HMGXB4: variants seen among roughly 807,000 people sequenced by gnomAD.
HMGXB4 encodes the protein HMG-box containing 4, also known as HMG domain-containing protein 4.
HMGXB4 carries 27 observed loss-of-function variants against 63.9 expected under a neutral mutation model. The ratio of observed to expected loss-of-function variants is 0.42; its 90% CI spans 0.31 to 0.58. The LOEUF is 0.58. Among genes scored for constraint, HMGXB4 ranks in the 20% least tolerant of loss-of-function variants. The probability of loss-of-function intolerance (pLI) is 0.13; values close to 1 mark genes in which losing one functional copy is unlikely to be tolerated. For missense variants in HMGXB4, 624 were observed against 700.7 expected (o/e 0.89, Z 1.24); for synonymous variants, 264 against 265.3 (o/e 0.99, Z 0.05).
the HMGXB4 span, among the ~76,000 whole-genome samples, chr22:35,251,278 T>C: frequency 2.0e-5 from 3 of 152,216 alleles, no homozygotes; most frequent in Admixed American, 6.5e-5. Flanking sequence ...GGTTTCACCA[T>C]GTTAGCCAGG....
At chr22:35,251,701 T>G in the HMGXB4 span, among the ~76,000 whole-genome samples, 1 of 152,236 alleles carries the variant, frequency 6.6e-6, no homozygotes, top group Non-Finnish European at 1.5e-5. Flanking sequence ...TAATCTTTTT[T>G]AAACAGTTTT....
At chr22:35,281,443 G>A (rs1924239570) in intron 5 of HMGXB4, among the ~76,000 whole-genome samples, 1 of 152,118 alleles carries the variant, frequency 6.6e-6, no homozygotes, top group African/African-American at 2.4e-5. Context: ...GAGTTATGAA[G>A]GAAACCCTTT....
chr22:35,293,543 G>T lies in HMGXB4; in HGVS notation c.1762-64G>T. 3 of 1,091,042 alleles carry T rather than the reference G, an allele frequency of 2.7e-6. No homozygotes were observed. The East Asian group carries it at 7.2e-5, about 26-fold the overall frequency. The allele number at this position is 1,091,042 out of a possible 1,614,324, so 67.6% of individuals were successfully genotyped here. ...TTTCTTATCTCTCTCCTTGAACAAA[G>T]AAACATCTCTCAGGAAACCAAGGTA... is the stretch of plus-strand genomic sequence containing the variant. On this transcript the variant is annotated intron_variant, in intron 10 of 10. Transcript: ENST00000216106.
At chr22:35,277,679 A>G (rs1404939589) in intron 5 of HMGXB4, among the ~76,000 whole-genome samples, 1 of 152,226 alleles carries the variant, frequency 6.6e-6, no homozygotes, top group Non-Finnish European at 1.5e-5. Flanking sequence ...AAATTTGTTC[A>G]GGAAACTCTT....
At chr22:35,247,129 T>A in the HMGXB4 span, among the ~76,000 whole-genome samples, 1 of 152,208 alleles carries the variant, frequency 6.6e-6, no homozygotes, top group African/African-American at 2.4e-5. Context: ...TATTGTGAAT[T>A]TTACCTTGTT....
the HMGXB4 span, among the ~76,000 whole-genome samples, chr22:35,245,731 A>G: frequency 6.6e-6 from 1 of 152,176 alleles, no homozygotes; most frequent in African/African-American, 2.4e-5. Flanking sequence ...CCGCCTCATT[A>G]CTGCTAGCTG....
In HMGXB4 at chr22:35,275,159, G is replaced by T. The variant is rs151080905; in HGVS notation, c.1216-8803G>T. Reference sequence around the variant, plus strand: ...TTTGAGACGGATTTTCGCTCTTGTCGCCCAGGCTGTAGTACAATGGTGCGA... The same window carrying T: ...TTTGAGACGGATTTTCGCTCTTGTCTCCCAGGCTGTAGTACAATGGTGCGA... On this transcript the variant is annotated intron_variant, in intron 5 of 10. Coordinates refer to ENST00000216106, the MANE Select transcript of HMGXB4 (RefSeq NM_001003681.3). 4.8e-4 allele frequency among the ~76,000 whole-genome samples: 58 copies of T among 120,614 alleles called. No individual in the cohort carries two copies. The East Asian group carries it at 0.013, about 26-fold the overall frequency. The allele number at this position is 120,614 out of a possible 152,430, so 79.1% of individuals were successfully genotyped here. A position where few individuals can be genotyped will look rare whatever the true frequency, so the allele number is the denominator to read the frequency against.
chr22:35,263,536 G>A (rs1923002473), intron 3 of HMGXB4, among the ~76,000 whole-genome samples: 1 of 152,192 alleles, frequency 6.6e-6, no homozygotes, highest in Non-Finnish European at 1.5e-5. Context: ...ACCTGCCTCC[G>A]CCTCCCAAAG....
intron 5 of HMGXB4, among the ~76,000 whole-genome samples, chr22:35,276,990 A>G (rs776774909): frequency 6.6e-6 from 1 of 152,226 alleles, no homozygotes; most frequent in Non-Finnish European, 1.5e-5. Context: ...AATAGAAAAT[A>G]ATTCATATTA....
chr22:35,286,587 C>T (rs1266292490), intron 7 of HMGXB4, among the ~76,000 whole-genome samples: 1 of 152,164 alleles, frequency 6.6e-6, no homozygotes, highest in East Asian at 1.9e-4. Context: ...CGGTGGCTCA[C>T]GCCTGTAGTT....
In HMGXB4 at chr22:35,282,595, A is replaced by G. The variant is rs553721142; in HGVS notation, c.1216-1367A>G. On this transcript the variant is annotated intron_variant, in intron 5 of 10. Coordinates refer to ENST00000216106, the MANE Select transcript of HMGXB4 (RefSeq NM_001003681.3). ...GAAAATATTTGTTTGTTAGATTAAG[A>G]TTATTAAGTGATAACTCTTTCTTTA... 2.4e-4 allele frequency among the ~76,000 whole-genome samples: 37 copies of G among 152,342 alleles called. No homozygotes were observed. The South Asian group carries it at 7.7e-3, about 32-fold the overall frequency.
At chr22:35,253,614 C>T (rs1033986232), upstream of HMGXB4, among the ~76,000 whole-genome samples, 7 of 150,958 alleles carry the variant, frequency 4.6e-5, no homozygotes, top group South Asian at 2.1e-4. Context: ...CGCGCGCGCG[C>T]GCGTGTGTGT....
rs1216233785 is a variant in HMGXB4, at chr22:35,284,171, T to C, written c.1297+128T>C. ...CTTTCCTCAGTTCTGCAAATCACTT[T>C]AGATTTTGCCTTAGTTTATCTCATC... On this transcript the variant is annotated intron_variant, in intron 6 of 10. Transcript: ENST00000216106. 1.7e-5 allele frequency: 11 copies of C among 656,012 alleles called. No homozygotes were observed. In the East Asian group the frequency reaches 2.7e-4, roughly 16 times the overall value. The allele number at this position is 656,012 out of a possible 1,614,324, so 40.6% of individuals were successfully genotyped here.
At chr22:35,275,803 G>C (rs1354863395) in intron 5 of HMGXB4, among the ~76,000 whole-genome samples, 2 of 152,198 alleles carry the variant, frequency 1.3e-5, no homozygotes, top group Non-Finnish European at 2.9e-5. Context: ...TATTTAAAAG[G>C]AGATCCTGGT....
chr22:35,286,111 A>G (rs1924562913), intron 7 of HMGXB4, 50 bp downstream of exon 7: 2 of 1,293,968 alleles, frequency 1.5e-6, no homozygotes, highest in Admixed American at 2.0e-5. Flanking sequence ...TCGCCTTCCA[A>G]AATATGTAAT....
At chr22:35,264,624 A>C (rs750760130) in intron 4 of HMGXB4, 24 bp from the exon 5 acceptor site, 1 of 1,507,776 alleles carries the variant, frequency 6.6e-7, no homozygotes, top group South Asian at 1.3e-5. Flanking sequence ...TCATATTGAC[A>C]GTACTTCTCT....
At chr22:35,285,226 C>T (rs1377611003) in intron 6 of HMGXB4, among the ~76,000 whole-genome samples, 1 of 152,086 alleles carries the variant, frequency 6.6e-6, no homozygotes. Context: ...GGCAACATAA[C>T]GAGACCTCAT....
At position 35,288,360 on chromosome 22, in the gene HMGXB4, T is replaced by C. The variant is rs1423007634; in HGVS notation, c.1591T>C (p.Leu531=). Residue 531 remains leucine (L), a synonymous_variant, in exon 9 of 11, where the codon TTG becomes CTG. Coordinates refer to ENST00000216106, the MANE Select transcript of HMGXB4 (RefSeq NM_001003681.3). The part of the protein sequence containing the change: ...PIDVAAHLQL[L]GESLSLIGHR... ...TGATGTTGCTGCTCATCTTCAGCTG[T>C]TGGGAGAGTCCCTAAGCCTCATTGG... 18 of 1,613,208 alleles carry C rather than the reference T, an allele frequency of 1.1e-5. No individual in the cohort carries two copies. The highest frequency in any genetic ancestry group is 1.7e-5 in the Admixed American group (1 of 59,922).
chr22:35,281,809 T>C (rs1268759054), intron 5 of HMGXB4, among the ~76,000 whole-genome samples: 2 of 152,206 alleles, frequency 1.3e-5, no homozygotes, highest in Admixed American at 1.3e-4. Context: ...TTAACAAACA[T>C]ACCACAAATT....
Sources: allele counts gnomAD v4.1 joint callset (sites outside exome capture counted in the v4.1 genomes callset), GRCh38; gene constraint gnomAD v4.1.1; transcripts MANE v1.5; gene names NCBI Gene and HGNC (gene_info 2026-07-23, HGNC 2026-07-21).